ANKRD36C: variants seen among roughly 807,000 people sequenced by gnomAD.
The protein encoded by ANKRD36C is ankyrin repeat domain-containing protein 36C.
Under a neutral mutation model 276.4 loss-of-function variants are expected in ANKRD36C, and 61 were observed. The observed-to-expected ratio is 0.22, with a 90% confidence interval of 0.18 to 0.27. The LOEUF (loss-of-function observed/expected upper bound fraction) is 0.27. Ranked by LOEUF, ANKRD36C falls within the 10% of genes least tolerant of loss-of-function variation. The pLI, the probability that ANKRD36C is intolerant of heterozygous loss-of-function variation, is 1.00. For synonymous variants in ANKRD36C, 483 were observed against 680.1 expected (o/e 0.71, Z 4.51); for missense variants, 1,447 against 2,032.3 (o/e 0.71, Z 5.54).
intron 31 of ANKRD36C, 43 bp downstream of exon 31, chr2:95,923,618 C>T (rs1469116490): frequency 1.2e-6 from 2 of 1,608,838 alleles, no homozygotes; most frequent in Non-Finnish European, 1.7e-6. Context: ...GTTTCATGGA[C>T]TATACAGTTA....
chr2:95,860,927 A>C (rs1405875407), intron 60 of ANKRD36C, among the ~76,000 whole-genome samples: 1 of 152,208 alleles, frequency 6.6e-6, no homozygotes, highest in African/African-American at 2.4e-5. Flanking sequence ...GAAACTTCCT[A>C]AGAACAATGA....
intron 42 of ANKRD36C, among the ~76,000 whole-genome samples, chr2:95,910,892 A>G (rs1250919143): frequency 1.3e-5 from 2 of 151,484 alleles, no homozygotes; most frequent in African/African-American, 4.8e-5. Flanking sequence ...AGCAACTCAG[A>G]CACCTGAGAA....
intron 42 of ANKRD36C, among the ~76,000 whole-genome samples, chr2:95,908,001 T>A (rs1187214208): frequency 6.6e-6 from 1 of 150,598 alleles, no homozygotes; most frequent in Non-Finnish European, 1.5e-5. Context: ...AACCCCAAAA[T>A]TATATAAATG....
chr2:95,979,221 TTTG>T (rs1310303157), intron 5 of ANKRD36C, among the ~76,000 whole-genome samples: 1 of 152,056 alleles, frequency 6.6e-6, no homozygotes, highest in Non-Finnish European at 1.5e-5. Flanking sequence ...GGCCACCCAT[TTTG>T]TTTTGATTCA....
exon 38 of ANKRD36C, chr2:95,916,036 T>G: frequency 1.3e-6 from 2 of 1,577,142 alleles, no homozygotes; most frequent in South Asian, 2.3e-5. Flanking sequence ...AAAAGAATCT[T>G]TCTCATCACT....
chr2:95,895,979 A>G, intron 44 of ANKRD36C, among the ~76,000 whole-genome samples: 1 of 149,350 alleles, frequency 6.7e-6, no homozygotes, highest in East Asian at 2.0e-4. Context: ...CAACAAATCA[A>G]AAGGATTTAC....
intron 32 of ANKRD36C, 24 bp downstream of exon 32, chr2:95,923,471 A>T: frequency 6.2e-7 from 1 of 1,608,838 alleles, no homozygotes; most frequent in Non-Finnish European, 8.5e-7. Flanking sequence ...TGAACATGAC[A>T]TTTAATGTGT....
chr2:95,885,096 G>C (rs1441230885), intron 52 of ANKRD36C, among the ~76,000 whole-genome samples: 1 of 151,978 alleles, frequency 6.6e-6, no homozygotes, highest in Non-Finnish European at 1.5e-5. Flanking sequence ...CTTCTACAGA[G>C]TAAAACTGCT....
chr2:95,888,045 T>G (rs766946610), intron 49 of ANKRD36C, 47 bp downstream of exon 69: 1 of 1,609,114 alleles, frequency 6.2e-7, no homozygotes, highest in East Asian at 2.2e-5. Flanking sequence ...CTATGTTTCA[T>G]AGACCACACA....
chr2:95,868,946 T>C (rs1480766980), intron 59 of ANKRD36C, among the ~76,000 whole-genome samples: 1 of 152,312 alleles, frequency 6.6e-6, no homozygotes, highest in East Asian at 1.9e-4. Flanking sequence ...CTCTCATACT[T>C]TTGTGCACAA....
chr2:95,965,362 C>T (rs929494814), intron 6 of ANKRD36C, among the ~76,000 whole-genome samples: 13 of 152,102 alleles, frequency 8.5e-5, no homozygotes, highest in African/African-American at 2.9e-4. Flanking sequence ...TAAATTGTGA[C>T]CTGAGTAGAT....
chr2:95,951,229 C>A (rs1678186245), intron 15 of ANKRD36C, 119 bp downstream of exon 15: 1 of 862,208 alleles, frequency 1.2e-6, no homozygotes, highest in Non-Finnish European at 1.8e-6. Context: ...GCCAAGATCA[C>A]AGCACTGCAC....
At chr2:95,974,967 T>TACA (rs1678776401) in intron 6 of ANKRD36C, among the ~76,000 whole-genome samples, 1 of 151,934 alleles carries the variant, frequency 6.6e-6, no homozygotes, top group Admixed American at 6.6e-5. Flanking sequence ...TCCATGTCCC[T>TACA]ACAAAGGACA....
In ANKRD36C at chr2:95,976,349, T is replaced by C. The variant is rs1678808826; in HGVS notation, c.799+1773A>G. On this transcript the variant is annotated intron_variant, in intron 6 of 66. Coordinates refer to ENST00000456556, the Ensembl canonical transcript of ANKRD36C. ...GCACATGTCTGTAGACTACTTCTGA[T>C]TGAAACTTGAAACTCTCGAAATGCG... Among the ~76,000 whole-genome samples, 7 of 152,270 alleles carry C rather than the reference T, an allele frequency of 4.6e-5. No individual in the cohort carries two copies. In the South Asian group the frequency reaches 1.0e-3, roughly 23 times the overall value.
At chr2:95,958,363 G>T (rs1040407392) in intron 12 of ANKRD36C, among the ~76,000 whole-genome samples, 5 of 151,970 alleles carry the variant, frequency 3.3e-5, no homozygotes, top group African/African-American at 9.7e-5. Context: ...CTCTCCAATG[G>T]TTCTTCTTCC....
intron 59 of ANKRD36C, 152 bp downstream of exon 79, chr2:95,876,287 A>G (rs1675951200): frequency 1.4e-6 from 1 of 696,138 alleles, no homozygotes; most frequent in Admixed American, 2.9e-5. Flanking sequence ...TAAGTTTTAT[A>G]ACTAGTTAAA....
chr2:95,869,828 T>C (rs886238693), intron 59 of ANKRD36C, among the ~76,000 whole-genome samples: 3 of 152,184 alleles, frequency 2.0e-5, no homozygotes, highest in Admixed American at 6.5e-5. Context: ...ACTTTTCCGA[T>C]GGGCTTAAAA....
chr2:95,893,594 G>C (rs189380752), intron 44 of ANKRD36C: 2 of 1,578,236 alleles, frequency 1.3e-6, no homozygotes, highest in East Asian at 4.7e-5. Context: ...AATCTTCCTC[G>C]TCACCTGTAG....
Position 95,891,870 on chromosome 2 carries a change from A to G in ANKRD36C, c.2756-10T>C. 2 of 1,558,822 alleles carry G rather than the reference A, an allele frequency of 1.3e-6. No individual in the cohort carries two copies. Among genetic ancestry groups the G allele is most frequent in the Non-Finnish European group, 1.7e-6 (2 of 1,151,666 alleles). On this transcript the variant is annotated splice_polypyrimidine_tract_variant and intron_variant, in intron 44 of 66. Transcript: ENST00000456556. The stretch of plus-strand genomic sequence containing the variant: ...GGTTTCTCAGAAGACACTGAAAAGT[A>G]AAAGGGATTCATAATCACTCATATG...
Sources: allele counts gnomAD v4.1 joint callset (sites outside exome capture counted in the v4.1 genomes callset), GRCh38; gene constraint gnomAD v4.1.1; transcripts MANE v1.5; gene names NCBI Gene and HGNC (gene_info 2026-07-23, HGNC 2026-07-21).